Variants in CWF19L1 observed in about 807,000 individuals in gnomAD.
The protein encoded by CWF19L1 is CWF19 like cell cycle control factor 1, also known as CWF19-like protein 1.
In CWF19L1, 60 loss-of-function variants were observed where a neutral mutation model predicts 69.7. That is an observed-to-expected ratio of 0.86 (90% CI 0.70 to 1.07). CWF19L1 has a LOEUF of 1.07. CWF19L1 is among the 50% of genes least tolerant of loss of function. The pLI is 0.00. For missense variants in CWF19L1, 591 were observed against 638.9 expected (o/e 0.92, Z 0.81); for synonymous variants, 209 against 222.2 (o/e 0.94, Z 0.53).
intron 8 of CWF19L1, among the ~76,000 whole-genome samples, chr10:100,246,578 T>C (rs1846826194): frequency 6.6e-6 from 1 of 152,190 alleles, no homozygotes; most frequent in Admixed American, 6.5e-5. Flanking sequence ...GAATCCAGTT[T>C]GGACAAAGAA....
chr10:100,249,639 C>A (rs1185775901), intron 7 of CWF19L1, among the ~76,000 whole-genome samples: 5 of 152,084 alleles, frequency 3.3e-5, no homozygotes, highest in African/African-American at 1.2e-4. Context: ...GGCTGGAGTG[C>A]AGTGGCCCGA....
In CWF19L1 at chr10:100,256,314, A is replaced by G. The variant is rs1236392229; in HGVS notation, c.452T>C (p.Ile151Thr). Reference sequence around the variant, plus strand: ...CTTGGGCCATGGGGATGTGAGCAAGATATCAACACCCTTAAACTGGGAGGT... The same window carrying G: ...CTTGGGCCATGGGGATGTGAGCAAGGTATCAACACCCTTAAACTGGGAGGT... The part of the protein sequence containing the change: ...CTTSQFKGVD[I>T]LLTSPWPKCV... The change falls in exon 5 of 14, where the codon ATC becomes ACC. Residue 151 changes from isoleucine to threonine, a missense_variant. By Grantham distance (89) the Ile-to-Thr change is moderately conservative. Around this residue, in one of 3 missense-constraint regions of CWF19L1, gnomAD observed 458 missense variants for 489.3 expected, o/e 0.94. Transcript: ENST00000354105. 1.9e-6 allele frequency: 3 copies of G among 1,614,190 alleles called. No individual in the cohort carries two copies. Among genetic ancestry groups the G allele is most frequent in the East Asian group, 4.5e-5 (2 of 44,884 alleles).
At chr10:100,253,979 G>C (rs770694617) in intron 5 of CWF19L1, 1 of 152,654 alleles carries the variant, frequency 6.6e-6, no homozygotes, top group Non-Finnish European at 1.5e-5. Flanking sequence ...CTGGGTTCAA[G>C]AAGTGATTCT....
chr10:100,250,941 T>C (rs116211350), intron 6 of CWF19L1, among the ~76,000 whole-genome samples: 4,504 of 150,156 alleles, frequency 0.03, 261 homozygotes, highest in African/African-American at 0.11. Flanking sequence ...GAATGAGATC[T>C]TGTCTCAAAA....
At chr10:100,259,886 G>T (rs1847336892) in intron 4 of CWF19L1, among the ~76,000 whole-genome samples, 2 of 152,132 alleles carry the variant, frequency 1.3e-5, no homozygotes, top group African/African-American at 4.8e-5. Flanking sequence ...ACAAATATCG[G>T]CCAGGCGCGG....
chr10:100,253,338 G>A, intron 6 of CWF19L1, 83 bp downstream of exon 6: 1 of 808,988 alleles, frequency 1.2e-6, no homozygotes, highest in East Asian at 2.5e-5. Context: ...GATGTTATAT[G>A]GTTAAAAACG....
At chr10:100,253,146 A>C (rs1847098215) in intron 6 of CWF19L1, among the ~76,000 whole-genome samples, 1 of 152,180 alleles carries the variant, frequency 6.6e-6, no homozygotes, top group Non-Finnish European at 1.5e-5. Flanking sequence ...CAGCCTTCCA[A>C]GTAGCTGGAA....
At chr10:100,239,423 G>A (rs1846566616) in intron 10 of CWF19L1, among the ~76,000 whole-genome samples, 2 of 152,150 alleles carry the variant, frequency 1.3e-5, no homozygotes, top group African/African-American at 4.8e-5. Flanking sequence ...AATGGATCGC[G>A]AGGTCAGGAG....
intron 12 of CWF19L1, among the ~76,000 whole-genome samples, chr10:100,236,025 A>C (rs563512524): frequency 1.9e-3 from 293 of 152,092 alleles, no homozygotes; most frequent in Admixed American, 4.5e-3. Flanking sequence ...GGAAAGCACT[A>C]AACTTTGGAG....
intron 10 of CWF19L1, among the ~76,000 whole-genome samples, chr10:100,241,000 CTTTTTTTTTTTTT>C (rs56262807): frequency 6.2e-4 from 44 of 70,630 alleles, no homozygotes; most frequent in African/African-American, 2.3e-3. Flanking sequence ...CTAATTAAGC[CTTTTTTTTTTTTT>C]TTTTTTTTTT....
intron 9 of CWF19L1, among the ~76,000 whole-genome samples, chr10:100,244,368 T>G (rs1320658235): frequency 6.6e-6 from 1 of 152,242 alleles, no homozygotes; most frequent in Non-Finnish European, 1.5e-5. Context: ...TTATTTTATT[T>G]TTTTTGAGAC....
In CWF19L1 at chr10:100,246,886, TCTG is replaced by T; in HGVS notation, c.755_757del (p.Ala252del). ...GACATCCGGAGGCTGTTTTACCAGT[TCTG>T]CTGCATCCATTAGCTTCATGGGAAC... On this transcript the variant is annotated inframe_deletion, in exon 8 of 14. Coordinates refer to ENST00000354105, the MANE Select transcript of CWF19L1 (RefSeq NM_018294.6). 1 of 1,613,990 alleles carries T rather than the reference TCTG, an allele frequency of 6.2e-7. No homozygotes were observed. The highest frequency in any genetic ancestry group is 8.5e-7 in the Non-Finnish European group (1 of 1,179,874).
chr10:100,243,088 T>C (rs1846688240), intron 10 of CWF19L1, among the ~76,000 whole-genome samples: 1 of 152,216 alleles, frequency 6.6e-6, no homozygotes, highest in African/African-American at 2.4e-5. Context: ...ATAAATTTAC[T>C]ATATAACCTA....
At chr10:100,253,581 A>G in intron 5 of CWF19L1, 42 bp from the exon 6 acceptor site, 1 of 1,082,672 alleles carries the variant, frequency 9.2e-7, no homozygotes, top group Non-Finnish European at 1.4e-6. Flanking sequence ...ACCAAAAGTT[A>G]TCAAGAAATG....
At chr10:100,250,478 T>A in intron 6 of CWF19L1, 146 bp from the exon 7 acceptor site, 4 of 624,042 alleles carry the variant, frequency 6.4e-6, no homozygotes, top group Non-Finnish European at 1.1e-5. Flanking sequence ...TAAGTTACTA[T>A]CTATCCGTCT....
intron 10 of CWF19L1, among the ~76,000 whole-genome samples, chr10:100,238,656 A>T (rs1846533569): frequency 1.3e-5 from 2 of 152,242 alleles, no homozygotes; most frequent in South Asian, 4.1e-4. Flanking sequence ...TTCGGCTGGG[A>T]TAGTGGCTCA....
intron 9 of CWF19L1, 46 bp downstream of exon 9, chr10:100,245,753 A>T (rs1846796732): frequency 6.8e-7 from 1 of 1,461,998 alleles, no homozygotes; most frequent in African/African-American, 1.4e-5. Flanking sequence ...AAGCCAAAAT[A>T]ACAGTTACTG....
intron 13 of CWF19L1, 125 bp from the exon 14 acceptor site, chr10:100,233,496 T>C (rs1203090916): frequency 3.5e-6 from 3 of 854,692 alleles, no homozygotes; most frequent in South Asian, 2.0e-5. Context: ...ATCTCTGCCA[T>C]ACTATTGATC....
intron 7 of CWF19L1, chr10:100,248,840 G>A (rs1846922028): frequency 5.7e-6 from 7 of 1,231,570 alleles, no homozygotes; most frequent in Non-Finnish European, 1.2e-6. Context: ...GAAGCAGAGA[G>A]CACCAGATTT....
Sources: gnomAD v4.1 joint callset for allele counts (sites outside exome capture counted in the v4.1 genomes callset) on GRCh38, gnomAD v4.1.1 for gene constraint, gnomAD v4.1.1 regional missense constraint, MANE v1.5 for transcripts, NCBI Gene and HGNC (gene_info 2026-07-23, HGNC 2026-07-21) for gene names.